KCNC2: variants seen among roughly 807,000 people sequenced by gnomAD.
KCNC2 encodes potassium voltage-gated channel subfamily C member 2.
Under a neutral mutation model 44.5 loss-of-function variants are expected in KCNC2, and 21 were observed. That is an observed-to-expected ratio of 0.47 (90% CI 0.33 to 0.68). The LOEUF (loss-of-function observed/expected upper bound fraction) is 0.68. Ranked by LOEUF, KCNC2 falls within the 30% of genes least tolerant of loss-of-function variation. The probability of loss-of-function intolerance (pLI) is 0.01; values close to 1 mark genes in which losing one functional copy is unlikely to be tolerated. For synonymous variants in KCNC2, 391 were observed against 339.1 expected, an observed-to-expected ratio of 1.15 and a Z score of -1.68; for missense variants, 589 against 826.2, an observed-to-expected ratio of 0.71 and a Z score of 3.52.
chr12:75,086,681 A>AAAT (rs1206456289), intron 2 of KCNC2, among the ~76,000 whole-genome samples: 2 of 54,210 alleles, frequency 3.7e-5, no homozygotes, highest in East Asian at 5.5e-4. Flanking sequence ...AAAAAAAAAA[A>AAAT]ATATATATAT....
chr12:75,185,668 A>G (rs922334190), intron 2 of KCNC2, among the ~76,000 whole-genome samples: 1 of 152,166 alleles, frequency 6.6e-6, no homozygotes, highest in Non-Finnish European at 1.5e-5. Flanking sequence ...CTGCTATAGC[A>G]ACACAAAACT....
At chr12:75,133,560 T>A (rs1244773793) in intron 2 of KCNC2, among the ~76,000 whole-genome samples, 1 of 151,942 alleles carries the variant, frequency 6.6e-6, no homozygotes, top group African/African-American at 2.4e-5. Context: ...AAGTCAAATA[T>A]CTTAGCATGA....
At chr12:75,172,796 T>G (rs1013975466) in intron 2 of KCNC2, among the ~76,000 whole-genome samples, 6 of 151,926 alleles carry the variant, frequency 3.9e-5, no homozygotes, top group African/African-American at 1.4e-4. Context: ...GCAAGGCTAC[T>G]ATTCTATAAG....
chr12:75,206,963 G>A (rs1239208191), intron 2 of KCNC2, among the ~76,000 whole-genome samples: 2 of 152,212 alleles, frequency 1.3e-5, no homozygotes, highest in African/African-American at 2.4e-5. Context: ...AAAGGAGTGA[G>A]GGAGAAACTC....
intron 2 of KCNC2, among the ~76,000 whole-genome samples, chr12:75,091,149 T>C (rs1885439152): frequency 6.6e-6 from 1 of 151,724 alleles, no homozygotes; most frequent in African/African-American, 2.4e-5. Context: ...TTTCCAGACA[T>C]ATTACAATAC....
intron 2 of KCNC2, among the ~76,000 whole-genome samples, chr12:75,127,333 G>T (rs114261840): frequency 0.023 from 3,513 of 152,238 alleles, 141 homozygotes; most frequent in African/African-American, 0.08. Flanking sequence ...AGAGAAAAAG[G>T]AGGTTGATAT....
chr12:75,138,978 G>GGAAAAAAAAAAAAA (rs1889434827), intron 2 of KCNC2, among the ~76,000 whole-genome samples: 1 of 47,844 alleles, frequency 2.1e-5, no homozygotes, highest in African/African-American at 2.0e-4. Flanking sequence ...GAGACTCCGT[G>GGAAAAAAAAAAAAA]TAAAAAAAAA....
At chr12:75,084,944 G>GATTATA (rs1231501036) in intron 2 of KCNC2, among the ~76,000 whole-genome samples, 9 of 149,964 alleles carry the variant, frequency 6.0e-5, no homozygotes, top group African/African-American at 2.0e-4. Flanking sequence ...TGTAAATATA[G>GATTATA]ATTATAATCC....
At chr12:75,052,981 C>T (rs539488835) in intron 2 of KCNC2, among the ~76,000 whole-genome samples, 2 of 152,196 alleles carry the variant, frequency 1.3e-5, no homozygotes, top group Admixed American at 6.6e-5. Flanking sequence ...CTTTCCCAGA[C>T]GTTTTATGAG....
In KCNC2 at chr12:75,143,562, T is replaced by C. The variant is rs141818755; in HGVS notation, c.687+63735A>G. ...TCTTCAGATTCAAGCCCTACATGCCTGTTATTAAAATAACAGGCTCTGTCC... is the reference window on the plus strand; with the variant it reads ...TCTTCAGATTCAAGCCCTACATGCCCGTTATTAAAATAACAGGCTCTGTCC... On this transcript the variant is annotated intron_variant, in intron 2 of 4. Transcript: ENST00000549446. Among the ~76,000 whole-genome samples, 439 of 152,304 alleles carry C rather than the reference T, an allele frequency of 2.9e-3. 2 individuals carry two copies. The highest frequency in any genetic ancestry group is 0.027 in the Middle Eastern group (8 of 294).
chr12:75,052,098 C>A (rs1881240152), intron 2 of KCNC2, among the ~76,000 whole-genome samples: 3 of 151,996 alleles, frequency 2.0e-5, no homozygotes, highest in Admixed American at 1.3e-4. Context: ...ACACACCTAC[C>A]ACCAACACAG....
chr12:75,154,405 G>A (rs1890618751), intron 2 of KCNC2, among the ~76,000 whole-genome samples: 1 of 151,986 alleles, frequency 6.6e-6, no homozygotes, highest in Non-Finnish European at 1.5e-5. Flanking sequence ...CCTTTCCAGG[G>A]ATCATCACAC....
intron 2 of KCNC2, among the ~76,000 whole-genome samples, chr12:75,158,481 A>T (rs539166628): frequency 1.3e-5 from 2 of 151,948 alleles, no homozygotes; most frequent in South Asian, 4.1e-4. Context: ...AACAGCCTAC[A>T]TTCTCTTGCC....
intron 2 of KCNC2, among the ~76,000 whole-genome samples, chr12:75,083,657 C>G (rs1191530654): frequency 6.6e-6 from 1 of 151,716 alleles, no homozygotes; most frequent in Non-Finnish European, 1.5e-5. Flanking sequence ...ATCATAAAAT[C>G]TATAGTTTAT....
intron 2 of KCNC2, among the ~76,000 whole-genome samples, chr12:75,201,576 G>A (rs926400678): frequency 1.1e-4 from 17 of 151,790 alleles, no homozygotes; most frequent in African/African-American, 1.9e-4. Flanking sequence ...AGACTGGAGC[G>A]TAGGTCTCTT....
intron 2 of KCNC2, among the ~76,000 whole-genome samples, chr12:75,145,122 C>T (rs779419596): frequency 3.9e-5 from 6 of 151,982 alleles, no homozygotes; most frequent in African/African-American, 1.2e-4. Context: ...AATTCAGAAC[C>T]GAGTCATTTA....
chr12:75,153,339 T>G (rs543155825), intron 2 of KCNC2, among the ~76,000 whole-genome samples: 1 of 152,080 alleles, frequency 6.6e-6, no homozygotes, highest in African/African-American at 2.4e-5. Flanking sequence ...CAATCTCCCA[T>G]GCAGTTGAAA....
Position 75,201,262 on chromosome 12 carries a change from G to GAAAAAAAAAAAAAAAAAAA in KCNC2, c.687+6016_687+6034dup, listed in dbSNP as rs1313998973. Among the ~76,000 whole-genome samples, 2 of 18,468 alleles carry GAAAAAAAAAAAAAAAAAAA rather than the reference G, an allele frequency of 1.1e-4. 1 individual carries two copies. Among genetic ancestry groups the GAAAAAAAAAAAAAAAAAAA allele is most frequent in the Non-Finnish European group, 2.0e-4 (2 of 9,912 alleles). The allele number at this position is 18,468 out of a possible 152,430, so 12.1% of individuals were successfully genotyped here. ...GGGCAGAAAGTTACAAACGAAATTG[G>GAAAAAAAAAAAAAAAAAAA]AAAAAAAAAAAAAAAAAAAAAAAAA... On this transcript the variant is annotated intron_variant, in intron 2 of 4. Transcript: ENST00000549446.
chr12:75,105,943 C>G (rs1195125512), intron 2 of KCNC2, among the ~76,000 whole-genome samples: 2 of 150,062 alleles, frequency 1.3e-5, no homozygotes, highest in Non-Finnish European at 3.0e-5. Context: ...GGGGAGATCA[C>G]TTATAGAGAG....
Sources: allele counts gnomAD v4.1 joint callset (sites outside exome capture counted in the v4.1 genomes callset), GRCh38; gene constraint gnomAD v4.1.1; transcripts MANE v1.5; gene names NCBI Gene and HGNC (gene_info 2026-07-23, HGNC 2026-07-21).